Variants in CHST11 observed in about 807,000 individuals in gnomAD.
CHST11 encodes the protein carbohydrate sulfotransferase 11, also known as C4S-1.
CHST11 carries 9 observed loss-of-function variants against 30.4 expected under a neutral mutation model. The ratio of observed to expected loss-of-function variants is 0.30; its 90% confidence interval spans 0.18 to 0.52. The LOEUF is 0.52. Ranked by LOEUF, CHST11 falls within the 20% of genes least tolerant of loss-of-function variation. The pLI is 0.97. For missense variants in CHST11, 348 were observed against 460.6 expected (o/e 0.76, Z 2.24); for synonymous variants, 152 against 187.8 (o/e 0.81, Z 1.56).
intron 2 of CHST11, among the ~76,000 whole-genome samples, chr12:104,669,353 C>T (rs536063099): frequency 8.5e-5 from 13 of 152,322 alleles, no homozygotes; most frequent in African/African-American, 2.9e-4. Flanking sequence ...AGGTATTTAT[C>T]GCTATTTGGA....
intron 2 of CHST11, among the ~76,000 whole-genome samples, chr12:104,675,550 C>T (rs200804578): frequency 3.3e-5 from 5 of 152,100 alleles, no homozygotes; most frequent in East Asian, 1.9e-4. Flanking sequence ...ATGAATGAAC[C>T]GAACTAACAA....
intron 2 of CHST11, among the ~76,000 whole-genome samples, chr12:104,664,833 A>G (rs1168711594): frequency 6.6e-6 from 1 of 152,224 alleles, no homozygotes; most frequent in Non-Finnish European, 1.5e-5. Flanking sequence ...GTTTCATGGA[A>G]ACATTTCCAT....
intron 2 of CHST11, among the ~76,000 whole-genome samples, chr12:104,668,537 G>A (rs868001195): frequency 2.0e-5 from 3 of 152,198 alleles, no homozygotes; most frequent in Non-Finnish European, 4.4e-5. Flanking sequence ...TCCCCATAAA[G>A]CATGTTTATC....
intron 1 of CHST11, among the ~76,000 whole-genome samples, chr12:104,586,790 A>G (rs11112114): frequency 0.34 from 51,604 of 152,194 alleles, 8,929 homozygotes; most frequent in East Asian, 0.48. Flanking sequence ...TAAGGCTTAT[A>G]ATTACTCATT....
At chr12:104,709,523 A>G (rs919697211) in intron 2 of CHST11, among the ~76,000 whole-genome samples, 1 of 152,208 alleles carries the variant, frequency 6.6e-6, no homozygotes, top group Non-Finnish European at 1.5e-5. Flanking sequence ...GAGCTTGTGC[A>G]AATGAAAGAG....
chr12:104,705,281 A>G lies in CHST11; in HGVS notation c.205-51668A>G, dbSNP rs886492666. The stretch of plus-strand genomic sequence containing the variant: ...AGGGAGACCCAGGCTTCGGCTCCAA[A>G]TTCATCGCTGATTCCCTGTGTTGCC... On this transcript the variant is annotated intron_variant, in intron 2 of 2. Transcript: ENST00000303694. Among the ~76,000 whole-genome samples, 4 of 152,128 alleles carry G rather than the reference A, an allele frequency of 2.6e-5. No individual in the cohort carries two copies. In the East Asian group the frequency reaches 5.8e-4, roughly 22 times the overall value.
intron 2 of CHST11, among the ~76,000 whole-genome samples, chr12:104,603,346 A>C (rs1427452424): frequency 1.3e-5 from 2 of 152,176 alleles, no homozygotes; most frequent in Non-Finnish European, 2.9e-5. Context: ...TTCTCCTTCA[A>C]AACAAAACTA....
At chr12:104,745,744 A>G (rs2040384747) in intron 2 of CHST11, among the ~76,000 whole-genome samples, 2 of 151,980 alleles carry the variant, frequency 1.3e-5, no homozygotes, top group South Asian at 2.1e-4. Context: ...TGACTTGACT[A>G]TTGTTGGTGT....
rs79579776 is a variant in CHST11, at chr12:104,472,995, G to A, written c.118+15466G>A. 7.7e-3 allele frequency among the ~76,000 whole-genome samples: 1,165 copies of A among 152,228 alleles called. 16 individuals are homozygous for A. The highest frequency in any genetic ancestry group is 0.027 in the African/African-American group (1,110 of 41,536). The stretch of plus-strand genomic sequence containing the variant: ...GAATACGGGAGCCCAGGGGTGGAGA[G>A]GTGAACCTGGATGGCTCTGAATGCT... On this transcript the variant is annotated intron_variant, in intron 1 of 2. Transcript: ENST00000303694.
intron 2 of CHST11, among the ~76,000 whole-genome samples, chr12:104,690,112 G>T (rs775582656): frequency 6.6e-6 from 1 of 152,168 alleles, no homozygotes; most frequent in Non-Finnish European, 1.5e-5. Flanking sequence ...TTCCCATGTA[G>T]CCACAGGAAA....
intron 2 of CHST11, among the ~76,000 whole-genome samples, chr12:104,705,332 T>A (rs1030149729): frequency 6.6e-6 from 1 of 152,156 alleles, no homozygotes; most frequent in African/African-American, 2.4e-5. Context: ...CTCCGTTTTA[T>A]TATCTCTAGA....
At chr12:104,616,253 T>G (rs1206122613) in intron 2 of CHST11, among the ~76,000 whole-genome samples, 1 of 152,116 alleles carries the variant, frequency 6.6e-6, no homozygotes, top group East Asian at 1.9e-4. Context: ...TGGCTGTACT[T>G]TAGAAGCAAA....
chr12:104,565,731 C>T (rs771006773), intron 1 of CHST11, among the ~76,000 whole-genome samples: 4 of 152,240 alleles, frequency 2.6e-5, no homozygotes, highest in Non-Finnish European at 5.9e-5. Flanking sequence ...GGGATTTGTG[C>T]GGCTCCGGCA....
intron 2 of CHST11, among the ~76,000 whole-genome samples, chr12:104,695,634 T>G (rs2039937194): frequency 1.3e-5 from 2 of 152,094 alleles, no homozygotes; most frequent in African/African-American, 4.8e-5. Flanking sequence ...AAGAATAGGT[T>G]CCCTCACTCT....
chr12:104,621,393 C>T (rs1189709948), intron 2 of CHST11, among the ~76,000 whole-genome samples: 3 of 152,264 alleles, frequency 2.0e-5, no homozygotes. Flanking sequence ...CCTACAGTCA[C>T]GGCTTCCCAA....
chr12:104,595,133 C>T (rs532686402), intron 1 of CHST11, among the ~76,000 whole-genome samples: 3 of 152,174 alleles, frequency 2.0e-5, no homozygotes, highest in South Asian at 2.1e-4. Flanking sequence ...GCTGGGTTAC[C>T]GAGACAAGGA....
chr12:104,521,347 T>C (rs894876979), intron 1 of CHST11, among the ~76,000 whole-genome samples: 3 of 152,258 alleles, frequency 2.0e-5, no homozygotes, highest in African/African-American at 7.2e-5. Flanking sequence ...TTCTCCCTTC[T>C]TTGTGGTCCG....
intron 2 of CHST11, among the ~76,000 whole-genome samples, chr12:104,723,201 A>ACTG (rs1021426872): frequency 2.0e-5 from 3 of 152,234 alleles, no homozygotes; most frequent in Non-Finnish European, 4.4e-5. Flanking sequence ...CCCCTCAAGG[A>ACTG]CTGTATTTAA....
At position 104,457,277 on chromosome 12, in the gene CHST11, A is replaced by C. The variant is rs1439953937; in HGVS notation, c.-135A>C. On this transcript the variant is annotated 5_prime_UTR_variant, in exon 1 of 3. Transcript: ENST00000303694. ...GGGCTCCGAGAGCGGCCGCGAAGCG[A>C]CTCCGATCCTCCCTCTGAGCCTTGC... The C allele has an allele frequency of 3.3e-6, 2 of 610,356 alleles. No homozygotes were observed. Among genetic ancestry groups the C allele is most frequent in the African/African-American group, 3.8e-5 (2 of 53,172 alleles). 37.8% of individuals were successfully genotyped at this position (610,356 alleles called of 1,614,324 possible).
Sources: gnomAD v4.1 joint callset for allele counts (sites outside exome capture counted in the v4.1 genomes callset) on GRCh38, gnomAD v4.1.1 for gene constraint, MANE v1.5 for transcripts, NCBI Gene and HGNC (gene_info 2026-07-23, HGNC 2026-07-21) for gene names.